The following KDM1A variants were observed in gnomAD, a reference collection of about 807,000 sequenced individuals.
The protein encoded by KDM1A is lysine-specific histone demethylase 1A.
In KDM1A, 49 loss-of-function variants were observed where a neutral mutation model predicts 109.4. The observed-to-expected ratio is 0.45, with a 90% CI of 0.36 to 0.57. The LOEUF is 0.57. KDM1A is among the 20% of genes least tolerant of loss of function. The pLI is 0.00. For synonymous variants in KDM1A, 380 were observed against 415.4 expected (o/e 0.91, Z 1.04); for missense variants, 668 against 1,116.6 (o/e 0.60, Z 5.73).
chr1:23,077,257 C>T lies in KDM1A; in HGVS notation c.1764C>T (p.His588=). The change falls in exon 16 of 21, where the codon CAC becomes CAT. Residue 588 remains histidine, a synonymous_variant. Transcript: ENST00000400181. ...ATGACTTTGAGTTCACTGGCAGCCA[C>T]CTGACAGTAAGGAATGGCTACTCGT... ...QDDDFEFTGS[H]LTVRNGYSCV... 2 of 1,613,974 alleles carry T rather than the reference C, an allele frequency of 1.2e-6. No homozygotes were observed. The highest frequency in any genetic ancestry group is 1.7e-6 in the Non-Finnish European group (2 of 1,179,858).
chr1:23,063,415 G>C (rs1305339380), intron 9 of KDM1A, among the ~76,000 whole-genome samples: 2 of 152,094 alleles, frequency 1.3e-5, no homozygotes, highest in Non-Finnish European at 2.9e-5. Context: ...AGGTGTATTA[G>C]GTATCTATCG....
At chr1:23,045,402 A>G (rs534458405) in intron 3 of KDM1A, among the ~76,000 whole-genome samples, 1 of 152,358 alleles carries the variant, frequency 6.6e-6, no homozygotes, top group African/African-American at 2.4e-5. Flanking sequence ...CATTGTTAAT[A>G]CAGCAATTAG....
At chr1:23,075,197 A>G (rs1403742266) in intron 15 of KDM1A, among the ~76,000 whole-genome samples, 3 of 152,242 alleles carry the variant, frequency 2.0e-5, no homozygotes, top group African/African-American at 7.2e-5. Flanking sequence ...GGGCTATACC[A>G]TCTTTTCTTA....
At chr1:23,083,041 C>T (rs756329102) in intron 20 of KDM1A, 138 bp from the exon 21 acceptor site, 1 of 734,888 alleles carries the variant, frequency 1.4e-6, no homozygotes, top group Non-Finnish European at 2.2e-6. Flanking sequence ...AAGGGAGACT[C>T]TTCGATAGAA....
At chr1:23,071,726 T>G (rs144399843) in intron 13 of KDM1A, among the ~76,000 whole-genome samples, 7 of 152,316 alleles carry the variant, frequency 4.6e-5, no homozygotes, top group African/African-American at 1.7e-4. Flanking sequence ...AATTGCCTCA[T>G]CTGTAACATG....
intron 8 of KDM1A, among the ~76,000 whole-genome samples, chr1:23,058,759 T>C (rs1642913788): frequency 6.6e-6 from 1 of 152,232 alleles, no homozygotes; most frequent in South Asian, 2.1e-4. Context: ...TAAAACGATG[T>C]CCACAATATA....
At chr1:23,029,336 A>G (rs577766254) in intron 1 of KDM1A, among the ~76,000 whole-genome samples, 1 of 152,322 alleles carries the variant, frequency 6.6e-6, no homozygotes, top group Admixed American at 6.5e-5. Context: ...ATTAATAATA[A>G]TTAGAATTTT....
chr1:23,029,990 G>C (rs1472860007), intron 1 of KDM1A, among the ~76,000 whole-genome samples: 1 of 152,192 alleles, frequency 6.6e-6, no homozygotes, highest in Non-Finnish European at 1.5e-5. Flanking sequence ...GTTTCAGTTT[G>C]ACTGTTGTTA....
At chr1:23,059,258 T>C in intron 9 of KDM1A, 91 bp downstream of exon 9, 1 of 854,642 alleles carries the variant, frequency 1.2e-6, no homozygotes, top group Non-Finnish European at 2.0e-6. Flanking sequence ...TATACATATA[T>C]ACACATATAG....
chr1:23,068,193 G>C (rs1250528578), intron 10 of KDM1A, among the ~76,000 whole-genome samples: 2 of 152,122 alleles, frequency 1.3e-5, no homozygotes, highest in African/African-American at 4.8e-5. Flanking sequence ...TGTGTTGTTT[G>C]CATGTCAGCC....
At position 23,069,042 on chromosome 1, in the gene KDM1A, T is replaced by C. The variant is rs761913489; in HGVS notation, c.1323-19T>C. 2 of 1,564,992 alleles carry C rather than the reference T, an allele frequency of 1.3e-6. No individual in the cohort carries two copies. Among genetic ancestry groups the C allele is most frequent in the Non-Finnish European group, 1.7e-6 (2 of 1,145,192 alleles). ...CAAAGTTGGCTTTGAGAGCAGATTATACATATTGTCTCTCTTAGGTTACAA... is the reference window on the plus strand; with the variant it reads ...CAAAGTTGGCTTTGAGAGCAGATTACACATATTGTCTCTCTTAGGTTACAA... On this transcript the variant is annotated intron_variant, in intron 11 of 20. Transcript: ENST00000400181.
chr1:23,079,538 T>G lies in KDM1A; in HGVS notation c.2056-15T>G, dbSNP rs369370062. On this transcript the variant is annotated splice_polypyrimidine_tract_variant and intron_variant, in intron 17 of 20. Coordinates refer to ENST00000400181, the MANE Select transcript of KDM1A (RefSeq NM_001009999.3). The surrounding 1 kb of genome is among the most constrained non-coding windows in gnomAD (Gnocchi z 5.6). ...GGCCCCTGTCACTGGCTCATGTGCT[T>G]CTTTCTTATGGTAGGTGGTGTTGTG... The G allele has an allele frequency of 3.9e-5, 62 of 1,604,300 alleles. No homozygotes were observed. Among genetic ancestry groups the G allele is most frequent in the Admixed American group, 1.9e-4 (11 of 59,066 alleles).
rs372695833 is a variant in KDM1A at position 23,079,696 on chromosome 1, C to T, written c.2170+29C>T. On this transcript the variant is annotated intron_variant, in intron 18 of 20. Transcript: ENST00000400181. This position sits in a 1 kb window ranked among gnomAD's most constrained non-coding sequence, Gnocchi z 5.6. ...AATGCCTTCTAATTTTAATCTTTTC[C>T]ATATCCTTACAGGAATATAGAATTT... The T allele has an allele frequency of 1.1e-5, 15 of 1,378,314 alleles. No homozygotes were observed. Among genetic ancestry groups the T allele is most frequent in the African/African-American group, 1.5e-5 (1 of 68,896 alleles). The allele number at this position is 1,378,314 out of a possible 1,614,324, so 85.4% of individuals were successfully genotyped here.
At chr1:23,045,986 C>T (rs549640185) in intron 3 of KDM1A, among the ~76,000 whole-genome samples, 3 of 152,176 alleles carry the variant, frequency 2.0e-5, no homozygotes, top group Admixed American at 1.3e-4. Context: ...AGGATCATAT[C>T]TTGACTTCTT....
chr1:23,044,591 C>T, intron 3 of KDM1A, 105 bp downstream of exon 3: 4 of 944,370 alleles, frequency 4.2e-6, no homozygotes, highest in African/African-American at 1.7e-5. Context: ...TAGCCAGAAG[C>T]GCAGGTGAAA....
At chr1:23,022,783 C>T (rs1357928896) in intron 1 of KDM1A, among the ~76,000 whole-genome samples, 2 of 151,402 alleles carry the variant, frequency 1.3e-5, no homozygotes, top group East Asian at 1.9e-4. Context: ...CTTAGCCAGC[C>T]GAGTAGCTGG....
chr1:23,063,225 T>G lies in KDM1A; in HGVS notation c.1168-2835T>G, dbSNP rs1466846956. ...GGGGGGGTGTGGTGTGGGGTGGGTG[T>G]GTGTGGGTGTGTGTGTGTGTGTGTG... On this transcript the variant is annotated intron_variant, in intron 9 of 20. Transcript: ENST00000400181. Among the ~76,000 whole-genome samples, 271 of 51,370 alleles carry G rather than the reference T, an allele frequency of 5.3e-3. 4 individuals carry two copies. Among genetic ancestry groups the G allele is most frequent in the Non-Finnish European group, 6.5e-3 (152 of 23,452 alleles). The allele number at this position is 51,370 out of a possible 152,430, so 33.7% of individuals were successfully genotyped here. A position where few individuals can be genotyped will look rare whatever the true frequency, so the allele number is the denominator to read the frequency against.
chr1:23,022,652 T>TC, intron 1 of KDM1A, among the ~76,000 whole-genome samples: 15 of 129,170 alleles, frequency 1.2e-4, no homozygotes, highest in African/African-American at 4.1e-4. Flanking sequence ...CTTCTTCTTT[T>TC]TTTTTTTTTT....
Position 23,053,708 on chromosome 1 carries a change from C to A in KDM1A, c.712-53C>A. ...GCTAAAAGATGATTTTAAAGATAGTCAAATAACATATGTCTATTTGTATGT... is the reference window on the plus strand; with the variant it reads ...GCTAAAAGATGATTTTAAAGATAGTAAAATAACATATGTCTATTTGTATGT... On this transcript the variant is annotated intron_variant, in intron 4 of 20. Transcript: ENST00000400181. The A allele has an allele frequency of 4.1e-6, 5 of 1,219,776 alleles. No individual in the cohort carries two copies. In the South Asian group the frequency reaches 4.9e-5, roughly 12 times the overall value. The allele number at this position is 1,219,776 out of a possible 1,614,324, so 75.6% of individuals were successfully genotyped here. A position where few individuals can be genotyped will look rare whatever the true frequency, so the allele number is the denominator to read the frequency against.
Sources: gnomAD v4.1 joint callset for allele counts (sites outside exome capture counted in the v4.1 genomes callset) on GRCh38, gnomAD v4.1.1 for gene constraint, Gnocchi (gnomAD v3.1) non-coding constraint, MANE v1.5 for transcripts, NCBI Gene and HGNC (gene_info 2026-07-23, HGNC 2026-07-21) for gene names.